The following TLL2 variants were observed in gnomAD, a reference collection of about 807,000 sequenced individuals.
The protein encoded by TLL2 is tolloid like 2.
Under a neutral mutation model 123.0 loss-of-function variants are expected in TLL2, and 106 were observed. The ratio of observed to expected loss-of-function variants is 0.86; its 90% CI spans 0.74 to 1.01. The LOEUF (loss-of-function observed/expected upper bound fraction) is 1.01. Ranked by LOEUF, TLL2 falls within the 50% of genes least tolerant of loss-of-function variation. TLL2 has a pLI of 0.00. For missense variants in TLL2, 1,332 were observed against 1,336.7 expected, an observed-to-expected ratio of 1.00 and a Z score of 0.06; for synonymous variants, 494 against 516.8, an observed-to-expected ratio of 0.96 and a Z score of 0.60.
rs1287354058 is a variant in TLL2, at chr10:96,471,757, C to T, written c.286+8592G>A. Among the ~76,000 whole-genome samples, 48 of 152,268 alleles carry T rather than the reference C, an allele frequency of 3.2e-4. 1 individual carries two copies. The highest frequency in any genetic ancestry group is 3.1e-3 in the Admixed American group (47 of 15,292). ...GGGCTCCGACACCCACGTCTTCCCACACTGCAGCCCTCCAAGGTCCTGATG... is the reference window on the plus strand; with the variant it reads ...GGGCTCCGACACCCACGTCTTCCCATACTGCAGCCCTCCAAGGTCCTGATG... On this transcript the variant is annotated intron_variant, in intron 2 of 20. Transcript: ENST00000357947.
At chr10:96,506,392 G>A (rs1426549479) in intron 1 of TLL2, among the ~76,000 whole-genome samples, 3 of 151,940 alleles carry the variant, frequency 2.0e-5, no homozygotes, top group Non-Finnish European at 4.4e-5. Flanking sequence ...AGTCTGGGGA[G>A]GGGCCAGGTG....
chr10:96,422,511 C>G lies in TLL2; in HGVS notation c.817+38G>C, dbSNP rs569732788. 3.1e-6 allele frequency: 5 copies of G among 1,610,292 alleles called. No homozygotes were observed. In the South Asian group the frequency reaches 4.4e-5, roughly 14 times the overall value. ...CCTGTCCCTGAGGTTGCCACCTTCT[C>G]GACCGGTGCCTTCCAGACTCCACAC... On this transcript the variant is annotated intron_variant, in intron 6 of 20. Coordinates refer to ENST00000357947, the MANE Select transcript of TLL2 (RefSeq NM_012465.4).
rs1046428381 is a variant in TLL2, at chr10:96,385,979, C to T, written c.2013+76G>A. The T allele has an allele frequency of 5.0e-6, 7 of 1,412,062 alleles. No homozygotes were observed. In the African/African-American group the frequency reaches 7.3e-5, roughly 15 times the overall value. 87.5% of individuals were successfully genotyped at this position (1,412,062 alleles called of 1,614,324 possible). On this transcript the variant is annotated intron_variant, in intron 15 of 20. Transcript: ENST00000357947. Reference sequence around the variant, plus strand: ...TCAACACAAGCCATCTCCCTGCCCTCCCAGCCCCTCACTGGTTTCCAGCTC... The same window carrying T: ...TCAACACAAGCCATCTCCCTGCCCTTCCAGCCCCTCACTGGTTTCCAGCTC...
At chr10:96,450,614 T>C (rs1273392831) in intron 2 of TLL2, among the ~76,000 whole-genome samples, 2 of 152,222 alleles carry the variant, frequency 1.3e-5, no homozygotes, top group Non-Finnish European at 2.9e-5. Context: ...ACAGACACTT[T>C]GAACACTAGC....
At position 96,397,140 on chromosome 10, in the gene TLL2, G is replaced by C. The variant is rs748606034; in HGVS notation, c.1384+46C>G. ...GACAGTGGGCTGCCTGGGAAGGACA[G>C]AGCTTATGAGGGGCCACCGAGCAGC... On this transcript the variant is annotated intron_variant, in intron 11 of 20. Transcript: ENST00000357947. The C allele has an allele frequency of 7.1e-6, 11 of 1,538,888 alleles. No homozygotes were observed. The African/African-American group carries it at 1.2e-4, about 17-fold the overall frequency.
At chr10:96,476,242 T>TTGTTGTTGTTG (rs1847249679) in intron 2 of TLL2, among the ~76,000 whole-genome samples, 2 of 12,416 alleles carry the variant, frequency 1.6e-4, no homozygotes, top group African/African-American at 5.5e-4. Context: ...ATATATATAT[T>TTGTTGTTGTTG]TTATTTTTGT....
intron 2 of TLL2, among the ~76,000 whole-genome samples, chr10:96,458,725 C>T (rs994069466): frequency 3.3e-5 from 5 of 150,732 alleles, no homozygotes; most frequent in African/African-American, 9.8e-5. Flanking sequence ...AAGCCGAAAT[C>T]GTGCCACTGC....
chr10:96,436,978 A>C (rs919794230), intron 3 of TLL2, among the ~76,000 whole-genome samples: 46 of 152,162 alleles, frequency 3.0e-4, no homozygotes, highest in African/African-American at 1.1e-3. Flanking sequence ...GCACCACCGC[A>C]CCTGGCCTGC....
At chr10:96,374,962 G>C (rs1846123210) in intron 18 of TLL2, among the ~76,000 whole-genome samples, 1 of 36,100 alleles carries the variant, frequency 2.8e-5, no homozygotes, top group South Asian at 2.2e-3. Context: ...CATTAGTTGC[G>C]GGGGGGGGGG....
At chr10:96,438,369 G>A (rs780156433) in intron 3 of TLL2, among the ~76,000 whole-genome samples, 1 of 152,130 alleles carries the variant, frequency 6.6e-6, no homozygotes, top group Admixed American at 6.5e-5. Context: ...CTTCTTTGGA[G>A]TGATTGCGTA....
rs377749295 is a variant in TLL2 at position 96,386,997 on chromosome 10, C to T, written c.1808G>A (p.Cys603Tyr). The stretch of plus-strand genomic sequence containing the variant: ...GGCGGCCAGCTCGTAGCCAGGGTCA[C>T]AGGCACACTTGTAGCTGCCCAGCGT... ...VNTLGSYKCA[C>Y]DPGYELAADK... Residue 603 changes from cysteine (C) to tyrosine (Y), a missense_variant, in exon 14 of 21, where the codon TGT becomes TAT. Coordinates refer to ENST00000357947, the MANE Select transcript of TLL2 (RefSeq NM_012465.4). 3 of 1,614,060 alleles carry T rather than the reference C, an allele frequency of 1.9e-6. No individual in the cohort carries two copies. In the African/African-American group the frequency reaches 4.0e-5, roughly 22 times the overall value.
At chr10:96,377,120 G>A (rs113341028) in intron 17 of TLL2, among the ~76,000 whole-genome samples, 16 of 152,302 alleles carry the variant, frequency 1.1e-4, no homozygotes, top group African/African-American at 3.1e-4. Context: ...GGTGGGCCTC[G>A]GCCCATGTCC....
intron 2 of TLL2, among the ~76,000 whole-genome samples, chr10:96,466,146 C>T (rs1847129691): frequency 6.6e-6 from 1 of 152,124 alleles, no homozygotes; most frequent in South Asian, 2.1e-4. Context: ...AAAGAAGAGA[C>T]AGAGAACCTG....
At chr10:96,376,663 A>G in intron 18 of TLL2, 29 bp downstream of exon 18, 1 of 1,608,406 alleles carries the variant, frequency 6.2e-7, no homozygotes, top group Non-Finnish European at 8.5e-7. Flanking sequence ...TCAAGTCCAC[A>G]TTCTCAATAA....
At chr10:96,418,941 C>G (rs74151318) in intron 7 of TLL2, among the ~76,000 whole-genome samples, 2 of 151,916 alleles carry the variant, frequency 1.3e-5, no homozygotes, top group African/African-American at 2.4e-5. Flanking sequence ...AAGCTTCTCC[C>G]TTGGGCCAAC....
intron 13 of TLL2, among the ~76,000 whole-genome samples, chr10:96,392,666 GA>G (rs1476779105): frequency 1.3e-5 from 2 of 152,164 alleles, no homozygotes; most frequent in Admixed American, 1.3e-4. Context: ...GGAATAAACA[GA>G]ATTAGAATGA....
intron 10 of TLL2, among the ~76,000 whole-genome samples, chr10:96,402,967 C>T (rs562309299): frequency 3.6e-4 from 55 of 152,282 alleles, no homozygotes; most frequent in Admixed American, 2.2e-3. Flanking sequence ...CTCTCAGGCT[C>T]GTCAGTTGCA....
intron 2 of TLL2, among the ~76,000 whole-genome samples, chr10:96,460,701 C>A (rs886700842): frequency 9.2e-5 from 14 of 152,188 alleles, no homozygotes; most frequent in Non-Finnish European, 2.9e-5. Flanking sequence ...GACTCCCCAG[C>A]CACACTTCCT....
intron 11 of TLL2, among the ~76,000 whole-genome samples, chr10:96,396,356 G>A (rs1433144092): frequency 6.6e-6 from 1 of 152,200 alleles, no homozygotes; most frequent in East Asian, 1.9e-4. Context: ...GGGGAGCGCT[G>A]CGTAGCCGTG....
Sources: gnomAD v4.1 joint callset for allele counts (sites outside exome capture counted in the v4.1 genomes callset) on GRCh38, gnomAD v4.1.1 for gene constraint, MANE v1.5 for transcripts, NCBI Gene and HGNC (gene_info 2026-07-23, HGNC 2026-07-21) for gene names.